DHX57: variants seen among roughly 807,000 people sequenced by gnomAD.
DHX57 encodes DExH-box helicase 57, also known as putative ATP-dependent RNA helicase DHX57.
A neutral mutation model predicts 156.2 loss-of-function variants in DHX57; 105 were observed. The observed-to-expected ratio is 0.67, with a 90% CI of 0.57 to 0.79. The LOEUF is 0.79. DHX57 is among the 30% of genes least tolerant of loss of function. The pLI, the probability that DHX57 is intolerant of heterozygous loss-of-function variation, is 0.00. For synonymous variants in DHX57, 704 were observed against 595.6 expected, an observed-to-expected ratio of 1.18 and a Z score of -2.65; for missense variants, 1,847 against 1,661.9, an observed-to-expected ratio of 1.11 and a Z score of -1.94.
In DHX57 at chr2:38,847,091, CAAAAT is replaced by C; in HGVS notation, c.2165-23_2165-19del. ...TGTACGACCTAGAAAAACAAGGAGA[CAAAAT>C]AGAAAGCCTGAGAACACCCATTCAA... On this transcript the variant is annotated intron_variant, in intron 10 of 23. Transcript: ENST00000457308. 1.9e-6 allele frequency: 3 copies of C among 1,608,132 alleles called. No homozygotes were observed. The highest frequency in any genetic ancestry group is 2.6e-6 in the Non-Finnish European group (3 of 1,175,424).
At chr2:38,870,502 G>T (rs1461603203) in intron 1 of DHX57, among the ~76,000 whole-genome samples, 2 of 152,174 alleles carry the variant, frequency 1.3e-5, no homozygotes, top group African/African-American at 4.8e-5. Flanking sequence ...TTACAGGGGG[G>T]AACCCCAATA....
intron 22 of DHX57, among the ~76,000 whole-genome samples, chr2:38,805,079 T>C (rs1669876040): frequency 6.6e-6 from 1 of 152,170 alleles, no homozygotes; most frequent in Non-Finnish European, 1.5e-5. Context: ...ATTACATGGA[T>C]ACATGAACGA....
chr2:38,816,279 A>G (rs750926798), intron 19 of DHX57: 11 of 458,432 alleles, frequency 2.4e-5, no homozygotes, highest in African/African-American at 4.0e-5. Context: ...CAGTGGCGCA[A>G]TCTTGGCTTT....
intron 19 of DHX57, among the ~76,000 whole-genome samples, chr2:38,817,091 T>C (rs1409395452): frequency 6.6e-6 from 1 of 152,042 alleles, no homozygotes; most frequent in African/African-American, 2.4e-5. Context: ...CCATCACGCC[T>C]GGCTAATTTT....
In DHX57 at chr2:38,802,641, T is replaced by G. The variant is rs201984279; in HGVS notation, c.4017+74A>C. 803 of 1,576,972 alleles carry G rather than the reference T, an allele frequency of 5.1e-4. 11 individuals carry two copies. The East Asian group carries it at 0.018, about 35-fold the overall frequency. On this transcript the variant is annotated intron_variant, in intron 23 of 23. Transcript: ENST00000457308. ...TACCTTGGTCCCTAGAGGAATGCCC[T>G]TGACTTCATAACTTCATATTGTCAA...
intron 22 of DHX57, among the ~76,000 whole-genome samples, chr2:38,806,215 G>A (rs1156372351): frequency 6.6e-6 from 1 of 152,172 alleles, no homozygotes; most frequent in Admixed American, 6.6e-5. Context: ...GGCAGGCTGA[G>A]AGCTGAGGAA....
intron 11 of DHX57, among the ~76,000 whole-genome samples, chr2:38,846,616 CAAAA>C (rs11377588): frequency 1.8e-5 from 2 of 113,814 alleles, no homozygotes; most frequent in Non-Finnish European, 1.8e-5. Context: ...GACTCTATCT[CAAAA>C]AAAAAAAAAA....
chr2:38,864,841 C>T lies in DHX57; in HGVS notation c.225-1322G>A, dbSNP rs190136386. 7.2e-5 allele frequency among the ~76,000 whole-genome samples: 11 copies of T among 152,314 alleles called. No homozygotes were observed. The South Asian group carries it at 1.9e-3, about 26-fold the overall frequency. ...CTTTCCTCTTCTCTCTGAAACACAACCCAATCAGTATTTCCTATGCTACTA... is the reference window on the plus strand; with the variant it reads ...CTTTCCTCTTCTCTCTGAAACACAATCCAATCAGTATTTCCTATGCTACTA... On this transcript the variant is annotated intron_variant, in intron 2 of 23. Coordinates refer to ENST00000457308, the MANE Select transcript of DHX57 (RefSeq NM_198963.3).
At chr2:38,825,775 A>T (rs903471114) in intron 16 of DHX57, 72 bp downstream of exon 16, 4 of 1,495,126 alleles carry the variant, frequency 2.7e-6, no homozygotes, top group Non-Finnish European at 3.7e-6. Flanking sequence ...AAGTAAAAGG[A>T]AAACATGGAA....
chr2:38,815,791 T>G, intron 19 of DHX57, 136 bp from the exon 20 acceptor site: 48 of 1,071,294 alleles, frequency 4.5e-5, no homozygotes, highest in Non-Finnish European at 5.7e-5. Flanking sequence ...TCCTCAGGTA[T>G]GAAGAGGATC....
chr2:38,839,218 C>T (rs1671850705), intron 12 of DHX57, among the ~76,000 whole-genome samples: 1 of 151,842 alleles, frequency 6.6e-6, no homozygotes, highest in Non-Finnish European at 1.5e-5. Flanking sequence ...TCGTGAGCCA[C>T]CGCGCCCGGC....
chr2:38,812,600 C>T (rs1670306530), intron 21 of DHX57, among the ~76,000 whole-genome samples: 1 of 152,228 alleles, frequency 6.6e-6, no homozygotes. Context: ...ATGGTATGAT[C>T]TCGCCTCACC....
chr2:38,867,509 A>G (rs1665141089), intron 2 of DHX57, among the ~76,000 whole-genome samples: 1 of 152,188 alleles, frequency 6.6e-6, no homozygotes, highest in Admixed American at 6.5e-5. Context: ...TGGAAAATAC[A>G]CAGCTCATCA....
At chr2:38,803,070 T>A (rs1377832142) in intron 22 of DHX57, 155 bp from the exon 23 acceptor site, 3 of 675,876 alleles carry the variant, frequency 4.4e-6, no homozygotes, top group African/African-American at 3.6e-5. Flanking sequence ...GCAGTATAAC[T>A]ATTGACTTGC....
intron 17 of DHX57, among the ~76,000 whole-genome samples, chr2:38,819,843 G>C (rs986585608): frequency 1.3e-5 from 2 of 152,074 alleles, no homozygotes; most frequent in East Asian, 1.9e-4. Context: ...CTTATTTATT[G>C]TTTTACTTGA....
intron 20 of DHX57, among the ~76,000 whole-genome samples, chr2:38,814,160 A>C (rs1670410679): frequency 6.6e-6 from 1 of 151,940 alleles, no homozygotes; most frequent in Non-Finnish European, 1.5e-5. Context: ...CTGGTCTCCA[A>C]CTCTGGACCT....
At chr2:38,823,750 G>A (rs1309288015) in intron 16 of DHX57, among the ~76,000 whole-genome samples, 3 of 152,188 alleles carry the variant, frequency 2.0e-5, no homozygotes, top group Admixed American at 6.5e-5. Context: ...AGTGGCTCAC[G>A]TCTGTAATCC....
rs541902630 is a variant in DHX57 at position 38,848,306 on chromosome 2, T to A, written c.2127A>T (p.Ser709=). ...MSATLNAELF[S]DYFNSCPVIT... ...TAACGGGGCAGGAATTAAAATAGTC[T>A]GAAAAAAGCTCAGCGTTTAGAGTTG... Residue 709 remains serine, a synonymous_variant, in exon 10 of 24, where the codon TCA becomes TCT. Coordinates refer to ENST00000457308, the MANE Select transcript of DHX57 (RefSeq NM_198963.3). The A allele has an allele frequency of 2.0e-5, 32 of 1,609,650 alleles. No individual in the cohort carries two copies. In the South Asian group the frequency reaches 3.3e-4, roughly 17 times the overall value.
intron 13 of DHX57, among the ~76,000 whole-genome samples, chr2:38,835,819 C>T (rs1671624109): frequency 6.6e-6 from 1 of 152,138 alleles, no homozygotes; most frequent in Admixed American, 6.5e-5. Flanking sequence ...TGTGCATGAC[C>T]TCACAGGATT....
Sources: gnomAD v4.1 joint callset for allele counts (sites outside exome capture counted in the v4.1 genomes callset) on GRCh38, gnomAD v4.1.1 for gene constraint, MANE v1.5 for transcripts, NCBI Gene and HGNC (gene_info 2026-07-23, HGNC 2026-07-21) for gene names.